GNA13: variants seen among roughly 807,000 people sequenced by gnomAD.
GNA13 encodes the protein G protein subunit alpha 13.
GNA13 carries 4 observed loss-of-function variants against 33.5 expected under a neutral mutation model. That is an observed-to-expected ratio of 0.12 (90% confidence interval 0.06 to 0.27). The LOEUF is 0.27. Ranked by LOEUF, GNA13 falls within the 10% of genes least tolerant of loss-of-function variation. GNA13 has a pLI of 1.00. For missense variants in GNA13, 319 were observed against 487.2 expected (o/e 0.65, Z 3.25); for synonymous variants, 176 against 183.8 (o/e 0.96, Z 0.34).
At chr17:65,045,042 CAAAA>C (rs1244382117) in intron 2 of GNA13, among the ~76,000 whole-genome samples, 2 of 53,278 alleles carry the variant, frequency 3.8e-5, no homozygotes, top group Non-Finnish European at 7.6e-5. Flanking sequence ...GACTCCATCT[CAAAA>C]AAAAAAAAAA....
intron 2 of GNA13, among the ~76,000 whole-genome samples, chr17:65,021,949 A>G (rs1008996317): frequency 1.6e-4 from 24 of 152,348 alleles, no homozygotes; most frequent in African/African-American, 5.8e-4. Context: ...CAACTACAAC[A>G]GTGCTAGTGA....
chr17:65,056,708 AGC>A lies in GNA13; in HGVS notation c.-117_-116del, dbSNP rs1250890517. 1.9e-6 allele frequency: 1 copy of A among 530,362 alleles called. No individual in the cohort carries two copies. The highest frequency in any genetic ancestry group is 2.6e-6 in the Non-Finnish European group (1 of 386,996). The allele number at this position is 530,362 out of a possible 1,614,324, so 32.9% of individuals were successfully genotyped here. ...GGGCGGGGAGCGCGGCGGCGGCCCG[AGC>A]GCGCCCAGGGAGGGAGGGAACCAGC... On this transcript the variant is annotated 5_prime_UTR_variant, in exon 1 of 4. Transcript: ENST00000439174.
intron 2 of GNA13, among the ~76,000 whole-genome samples, chr17:65,024,360 C>T (rs565584381): frequency 1.3e-5 from 2 of 152,210 alleles, no homozygotes. Context: ...ATATTTGCAA[C>T]TGACTCTGAC....
In GNA13 at chr17:65,014,224, A is replaced by C; in HGVS notation, c.*33T>G. Reference sequence around the variant, plus strand: ...AACAAACAGAAAACATCAAAAACACAAAAAGATATTAAAACAGCAAGTCTT... The same window carrying C: ...AACAAACAGAAAACATCAAAAACACCAAAAGATATTAAAACAGCAAGTCTT... On this transcript the variant is annotated 3_prime_UTR_variant, in exon 4 of 4. Transcript: ENST00000439174. The surrounding 1 kb of genome is among the most constrained non-coding windows in gnomAD (Gnocchi z 5.3). 1.6e-6 allele frequency: 2 copies of C among 1,272,214 alleles called. No homozygotes were observed. The highest frequency in any genetic ancestry group is 2.2e-6 in the Non-Finnish European group (2 of 890,804). 78.8% of individuals were successfully genotyped at this position (1,272,214 alleles called of 1,614,324 possible). A position where few individuals can be genotyped will look rare whatever the true frequency, so the allele number is the denominator to read the frequency against.
intron 3 of GNA13, among the ~76,000 whole-genome samples, chr17:65,016,852 T>C (rs1906388318): frequency 6.6e-6 from 1 of 152,252 alleles, no homozygotes; most frequent in Admixed American, 6.5e-5. Context: ...TTTTGCTTAA[T>C]ATTTTGTGAA....
chr17:65,041,399 A>C (rs1476369328), intron 2 of GNA13, among the ~76,000 whole-genome samples: 1 of 152,154 alleles, frequency 6.6e-6, no homozygotes, highest in Non-Finnish European at 1.5e-5. Flanking sequence ...GAAATTTGCT[A>C]ATTTTGCTCC....
intron 2 of GNA13, chr17:65,052,011 C>CTT (rs1426508857): frequency 1.3e-5 from 2 of 152,242 alleles, no homozygotes; most frequent in African/African-American, 4.8e-5. Context: ...ATCGTGAACA[C>CTT]TTTCCTGGAA....
intron 1 of GNA13, 110 bp from the exon 2 acceptor site, chr17:65,053,838 C>A: frequency 1.4e-6 from 1 of 696,508 alleles, no homozygotes. Flanking sequence ...CTAGACAAAC[C>A]TTCTTCAAAA....
Position 65,014,111 on chromosome 17 carries a change from G to T in GNA13, c.*146C>A, listed in dbSNP as rs112108969. On this transcript the variant is annotated 3_prime_UTR_variant, in exon 4 of 4. Transcript: ENST00000439174. The surrounding 1 kb of genome is among the most constrained non-coding windows in gnomAD (Gnocchi z 5.3). The stretch of plus-strand genomic sequence containing the variant: ...AGCTTTCAGCCACAAACCAAAGGCC[G>T]CAGAAAAAGTACTAAGATTTTCAAG... 3,772 of 602,256 alleles carry T rather than the reference G, an allele frequency of 6.3e-3. 20 individuals are homozygous for T. Among genetic ancestry groups the T allele is most frequent in the Non-Finnish European group, 9.1e-3 (3,138 of 343,444 alleles). 37.3% of individuals were successfully genotyped at this position (602,256 alleles called of 1,614,324 possible).
intron 2 of GNA13, among the ~76,000 whole-genome samples, chr17:65,022,723 G>A (rs1906628757): frequency 6.6e-6 from 1 of 152,206 alleles, no homozygotes; most frequent in South Asian, 2.1e-4. Flanking sequence ...AAATGAGACT[G>A]CAACCAAAGT....
chr17:65,035,491 G>C (rs928503499), intron 2 of GNA13, among the ~76,000 whole-genome samples: 4 of 152,154 alleles, frequency 2.6e-5, no homozygotes, highest in Admixed American at 6.5e-5. Context: ...GAGGTGGTAG[G>C]ATAGTGGCTA....
At chr17:65,038,633 G>A (rs1340253903) in intron 2 of GNA13, among the ~76,000 whole-genome samples, 2 of 152,088 alleles carry the variant, frequency 1.3e-5, no homozygotes, top group Non-Finnish European at 1.5e-5. Context: ...CACCATGTTG[G>A]CGAGGCTGGT....
At position 65,013,445 on chromosome 17, in the gene GNA13, GT is replaced by G; in HGVS notation, c.*811del. 1 of 211,670 alleles carries G rather than the reference GT, an allele frequency of 4.7e-6. No homozygotes were observed. The highest frequency in any genetic ancestry group is 9.6e-6 in the Non-Finnish European group (1 of 104,278). 13.1% of individuals were successfully genotyped at this position (211,670 alleles called of 1,614,324 possible). The stretch of plus-strand genomic sequence containing the variant: ...AAGTTCTGTTACCAAGTTGCTTGCA[GT>G]TTTTAGTTGCTGCTATGGCCAGAAT... On this transcript the variant is annotated 3_prime_UTR_variant, in exon 4 of 4. Transcript: ENST00000439174.
intron 2 of GNA13, among the ~76,000 whole-genome samples, chr17:65,042,017 C>T (rs1907471025): frequency 6.6e-6 from 1 of 152,070 alleles, no homozygotes; most frequent in African/African-American, 2.4e-5. Flanking sequence ...AAAATATAGA[C>T]CCATTGTTTG....
chr17:65,030,732 G>T (rs1906971204), intron 2 of GNA13, among the ~76,000 whole-genome samples: 1 of 152,160 alleles, frequency 6.6e-6, no homozygotes, highest in African/African-American at 2.4e-5. Flanking sequence ...TCCAATTTTG[G>T]TTGGGCATGG....
At chr17:65,026,396 G>T (rs1215234195) in intron 2 of GNA13, among the ~76,000 whole-genome samples, 7 of 152,132 alleles carry the variant, frequency 4.6e-5, no homozygotes, top group Non-Finnish European at 1.0e-4. Context: ...ATATCAGGAA[G>T]CCATGACTAG....
At chr17:65,044,950 G>A (rs1419545281) in intron 2 of GNA13, among the ~76,000 whole-genome samples, 1 of 151,346 alleles carries the variant, frequency 6.6e-6, no homozygotes, top group Non-Finnish European at 1.5e-5. Context: ...GGCTGAGGCA[G>A]GAGAACTGGC....
intron 1 of GNA13, among the ~76,000 whole-genome samples, chr17:65,055,280 T>C (rs1419835018): frequency 6.6e-6 from 1 of 152,208 alleles, no homozygotes; most frequent in Non-Finnish European, 1.5e-5. Flanking sequence ...GTTAATTATC[T>C]TTCAAATGAC....
Position 65,009,970 on chromosome 17 carries a change from T to C in GNA13, c.*4287A>G, listed in dbSNP as rs1346890773. On this transcript the variant is annotated 3_prime_UTR_variant, in exon 4 of 4. Coordinates refer to ENST00000439174, the MANE Select transcript of GNA13 (RefSeq NM_006572.6). ...GTGATATTCACTGACTGAAATTTTA[T>C]GCACACTGAGTTCCAGCATACTCTG... Among the ~76,000 whole-genome samples the C allele has an allele frequency of 2.6e-5, 4 of 152,224 alleles. No individual in the cohort carries two copies. Among genetic ancestry groups the C allele is most frequent in the South Asian group, 2.1e-4 (1 of 4,834 alleles).
Sources: allele counts gnomAD v4.1 joint callset (sites outside exome capture counted in the v4.1 genomes callset), GRCh38; gene constraint gnomAD v4.1.1; non-coding constraint Gnocchi (gnomAD v3.1); transcripts MANE v1.5; gene names NCBI Gene and HGNC (gene_info 2026-07-23, HGNC 2026-07-21).